Variants in RUVBL2 observed in about 807,000 individuals in gnomAD.
The protein encoded by RUVBL2 is ruvB-like 2.
Under a neutral mutation model 57.9 loss-of-function variants are expected in RUVBL2, and 9 were observed. The observed-to-expected ratio is 0.16, with a 90% CI of 0.09 to 0.27. The LOEUF (loss-of-function observed/expected upper bound fraction) is 0.27. Ranked by LOEUF, RUVBL2 falls within the 10% of genes least tolerant of loss-of-function variation. The pLI is 1.00. For synonymous variants in RUVBL2, 278 were observed against 264.6 expected, an observed-to-expected ratio of 1.05 and a Z score of -0.49; for missense variants, 456 against 669.6, an observed-to-expected ratio of 0.68 and a Z score of 3.52.
chr19:49,003,302 C>T lies in RUVBL2; in HGVS notation c.91C>T (p.Leu31=), dbSNP rs202245437. Residue 31 remains leucine, a synonymous_variant, in exon 3 of 15, where the codon CTG becomes TTG. Transcript: ENST00000595090. ...AGGTGCCCACTCCCACATCCGGGGA[C>T]TGGGGCTGGACGATGCCTTGGAGCC... is the stretch of plus-strand genomic sequence containing the variant. ...RIGAHSHIRG[L]GLDDALEPRQ... 2 of 1,614,062 alleles carry T rather than the reference C, an allele frequency of 1.2e-6. No homozygotes were observed. Among genetic ancestry groups the T allele is most frequent in the Non-Finnish European group, 1.7e-6 (2 of 1,179,974 alleles).
upstream of RUVBL2, chr19:48,993,797 A>G (rs2122556635): frequency 2.9e-6 from 4 of 1,373,430 alleles, no homozygotes; most frequent in Middle Eastern, 1.8e-4. Context: ...CAATATTTAC[A>G]TATTTATGAG....
intron 2 of RUVBL2, among the ~76,000 whole-genome samples, chr19:49,000,416 G>C (rs1337610395): frequency 6.6e-6 from 1 of 151,720 alleles, no homozygotes; most frequent in Non-Finnish European, 1.5e-5. Context: ...TTTGCTGGGC[G>C]TGGTGGCGCG....
In RUVBL2 at chr19:48,995,705, G is replaced by T. The variant is rs181966979; in HGVS notation, c.12+1782G>T. On this transcript the variant is annotated intron_variant, in intron 1 of 14. Transcript: ENST00000595090. ...CTCTACAAAAAAATAAGAAAATTAG[G>T]CCGGGTGCGGTGGCTCACACCTGTA... 2.7e-3 allele frequency among the ~76,000 whole-genome samples: 416 copies of T among 152,014 alleles called. 1 individual carries two copies. Among genetic ancestry groups the T allele is most frequent in the Non-Finnish European group, 4.2e-3 (286 of 67,988 alleles).
chr19:49,003,259 T>A lies in RUVBL2; in HGVS notation c.68-20T>A. On this transcript the variant is annotated intron_variant, in intron 2 of 14. Transcript: ENST00000595090. ...GCAAGCTGGCTAGTAACTGAGTCTTTGTTCTTTCCCTTCATGTAGGTGCCC... is the reference window on the plus strand; with the variant it reads ...GCAAGCTGGCTAGTAACTGAGTCTTAGTTCTTTCCCTTCATGTAGGTGCCC... 2.5e-6 allele frequency: 4 copies of A among 1,613,576 alleles called. No individual in the cohort carries two copies.
intron 4 of RUVBL2, among the ~76,000 whole-genome samples, chr19:49,005,677 T>C (rs1288584218): frequency 1.3e-5 from 2 of 151,360 alleles, no homozygotes; most frequent in East Asian, 3.9e-4. Flanking sequence ...ACTCTGTCGC[T>C]CAGGCTGGAG....
At chr19:49,015,404 A>G (rs978872518) in intron 13 of RUVBL2, 168 bp from the exon 14 acceptor site, 1 of 715,458 alleles carries the variant, frequency 1.4e-6, no homozygotes. Context: ...CTGGGCCCAC[A>G]ACAAGGAGAT....
intron 1 of RUVBL2, among the ~76,000 whole-genome samples, chr19:48,995,577 C>T (rs955450480): frequency 1.3e-5 from 2 of 151,680 alleles, no homozygotes; most frequent in Non-Finnish European, 2.9e-5. Context: ...GGGCTGGGCA[C>T]AGTGGCTCAC....
chr19:49,005,350 A>G (rs1330542561), intron 4 of RUVBL2, among the ~76,000 whole-genome samples: 2 of 151,866 alleles, frequency 1.3e-5, no homozygotes, highest in African/African-American at 4.8e-5. Flanking sequence ...CCTGACTTCA[A>G]AGAGCTCCTG....
In RUVBL2 at chr19:49,011,612, T is replaced by G. The variant is rs1414430990; in HGVS notation, c.1001+302T>G. Among the ~76,000 whole-genome samples the G allele has an allele frequency of 6.6e-6, 1 of 152,198 alleles. No individual in the cohort carries two copies. The highest frequency in any genetic ancestry group is 1.5e-5 in the Non-Finnish European group (1 of 68,034). On this transcript the variant is annotated intron_variant, in intron 11 of 14. Coordinates refer to ENST00000595090, the MANE Select transcript of RUVBL2 (RefSeq NM_006666.3). The surrounding 1 kb of genome is among the most constrained non-coding windows in gnomAD (Gnocchi z 4.4). ...ACTCACAGGAGTGCTGTGGGATGTT[T>G]TCTAGTCTTGAGGGAAGCACAGTGA...
intron 2 of RUVBL2, among the ~76,000 whole-genome samples, chr19:49,000,963 C>A (rs1365010489): frequency 3.3e-5 from 5 of 151,630 alleles, no homozygotes; most frequent in African/African-American, 9.7e-5. Flanking sequence ...TCAAGACCAG[C>A]CTGAGTCACA....
At chr19:49,004,707 A>G (rs945091929) in intron 4 of RUVBL2, among the ~76,000 whole-genome samples, 2 of 152,098 alleles carry the variant, frequency 1.3e-5, no homozygotes, top group African/African-American at 4.8e-5. Context: ...CTTCCCACTC[A>G]TAACCCAGGC....
chr19:49,014,565 C>T lies in RUVBL2; in HGVS notation c.1083C>T (p.Pro361=), dbSNP rs1246393028. 1.9e-6 allele frequency: 3 copies of T among 1,614,022 alleles called. No homozygotes were observed. The highest frequency in any genetic ancestry group is 3.3e-5 in the Admixed American group (2 of 60,004). Reference sequence around the variant, plus strand: ...GGCTGCTTATCGTCTCCACCACCCCCTACAGCGAGAAAGACACGAAGCAGA... The same window carrying T: ...GGCTGCTTATCGTCTCCACCACCCCTTACAGCGAGAAAGACACGAAGCAGA... ...LDRLLIVSTT[P]YSEKDTKQIL... Residue 361 remains proline (P), a synonymous_variant, in exon 12 of 15, where the codon CCC becomes CCT. Coordinates refer to ENST00000595090, the MANE Select transcript of RUVBL2 (RefSeq NM_006666.3).
Position 49,003,357 on chromosome 19 carries a change from G to A in RUVBL2, c.123+23G>A, listed in dbSNP as rs199587481. On this transcript the variant is annotated intron_variant, in intron 3 of 14. Coordinates refer to ENST00000595090, the MANE Select transcript of RUVBL2 (RefSeq NM_006666.3). ...CAGGTAGAGCAGAGGAGGCTGGGGTGTGAGGGCCTCTCCATGAAGGTCTTG... is the reference window on the plus strand; with the variant it reads ...CAGGTAGAGCAGAGGAGGCTGGGGTATGAGGGCCTCTCCATGAAGGTCTTG... The A allele has an allele frequency of 3.5e-5, 57 of 1,612,100 alleles. No homozygotes were observed. The East Asian group carries it at 1.2e-3, about 33-fold the overall frequency.
chr19:49,015,228 G>A (rs1406704022), intron 13 of RUVBL2, 78 bp downstream of exon 13: 15 of 1,541,674 alleles, frequency 9.7e-6, no homozygotes, highest in East Asian at 4.9e-5. Context: ...CCAGGGTTCC[G>A]ATTTCATCCT....
At chr19:49,000,997 A>C (rs1223676603) in intron 2 of RUVBL2, among the ~76,000 whole-genome samples, 1 of 151,948 alleles carries the variant, frequency 6.6e-6, no homozygotes, top group Non-Finnish European at 1.5e-5. Context: ...TCTCTAAAAA[A>C]AAAATAAAAA....
chr19:49,010,810 C>T (rs1414566853), intron 9 of RUVBL2, among the ~76,000 whole-genome samples, 189 bp from the exon 10 acceptor site: 1 of 152,092 alleles, frequency 6.6e-6, no homozygotes, highest in African/African-American at 2.4e-5. Context: ...TGGGTGTGGC[C>T]CTGCCCTCTC....
upstream of RUVBL2, chr19:48,993,466 G>A (rs999079964): frequency 2.3e-6 from 1 of 425,594 alleles, no homozygotes; most frequent in Non-Finnish European, 4.4e-6. Context: ...GCCCCGCCTC[G>A]GCCGTGAGAC....
At position 48,999,014 on chromosome 19, in the gene RUVBL2, G is replaced by A. The variant is rs183094030; in HGVS notation, c.13-305G>A. On this transcript the variant is annotated intron_variant, in intron 1 of 14. Transcript: ENST00000595090. ...TGCACTCCAGCCTGGGTGACAGAGC[G>A]AGACTTCATCTCAAAAAAAAAAAAA... is the stretch of plus-strand genomic sequence containing the variant. Among the ~76,000 whole-genome samples, 150 of 151,368 alleles carry A rather than the reference G, an allele frequency of 9.9e-4. 2 individuals are homozygous for A. The highest frequency in any genetic ancestry group is 3.4e-4 in the Non-Finnish European group (23 of 67,854).
chr19:48,998,325 A>G (rs1238133279), intron 1 of RUVBL2, among the ~76,000 whole-genome samples: 3 of 152,166 alleles, frequency 2.0e-5, no homozygotes, highest in Admixed American at 2.0e-4. Context: ...GGAAATTAGC[A>G]GGGGCCAGAG....
Sources: gnomAD v4.1 joint callset for allele counts (sites outside exome capture counted in the v4.1 genomes callset) on GRCh38, gnomAD v4.1.1 for gene constraint, Gnocchi (gnomAD v3.1) non-coding constraint, MANE v1.5 for transcripts, NCBI Gene and HGNC (gene_info 2026-07-23, HGNC 2026-07-21) for gene names.